Variants in GPHN observed in about 807,000 individuals in gnomAD.
GPHN encodes the protein gephyrin.
GPHN carries 17 observed loss-of-function variants against 95.5 expected under a neutral mutation model. The observed-to-expected ratio is 0.18, with a 90% CI of 0.12 to 0.27. The LOEUF is 0.27. Ranked by LOEUF, GPHN falls within the 10% of genes least tolerant of loss-of-function variation. The pLI is 1.00. For missense variants in GPHN, 660 were observed against 978.1 expected, an observed-to-expected ratio of 0.67 and a Z score of 4.34; for synonymous variants, 320 against 322.5, an observed-to-expected ratio of 0.99 and a Z score of 0.08.
intron 10 of GPHN, among the ~76,000 whole-genome samples, chr14:67,048,566 T>C (rs7161698): frequency 0.26 from 39,310 of 152,172 alleles, 10,363 homozygotes; most frequent in African/African-American, 0.65. Context: ...TCTGTCACTC[T>C]TAGCTCCTTA....
the GPHN span, chr14:67,488,665 G>A: frequency 1.3e-5 from 2 of 152,590 alleles, no homozygotes; most frequent in African/African-American, 4.8e-5. Flanking sequence ...AATCCCACCT[G>A]TGGAGACTTC....
At chr14:66,812,018 A>T (rs772533834) in intron 3 of GPHN, among the ~76,000 whole-genome samples, 2 of 152,194 alleles carry the variant, frequency 1.3e-5, no homozygotes, top group Non-Finnish European at 2.9e-5. Flanking sequence ...GTAGGCCCCA[A>T]TCTGGCCTAA....
At chr14:67,670,850 C>T in the GPHN span, among the ~76,000 whole-genome samples, 61 of 152,008 alleles carry the variant, frequency 4.0e-4, no homozygotes, top group African/African-American at 1.4e-3. Context: ...AAGGTAAGAA[C>T]TCTGGAAGTC....
chr14:66,879,563 A>T (rs1164573736), intron 4 of GPHN, among the ~76,000 whole-genome samples: 1 of 152,036 alleles, frequency 6.6e-6, no homozygotes, highest in African/African-American at 2.4e-5. Context: ...TAATTATTTC[A>T]AGAGTAATAG....
the GPHN span, among the ~76,000 whole-genome samples, chr14:67,501,178 C>T: frequency 1.3e-5 from 2 of 151,960 alleles, no homozygotes; most frequent in African/African-American, 4.8e-5. Context: ...TGCAAACCTC[C>T]AGCAGGTACT....
chr14:67,039,213 C>T (rs761534487), intron 10 of GPHN, among the ~76,000 whole-genome samples: 6 of 152,146 alleles, frequency 3.9e-5, no homozygotes, highest in African/African-American at 1.2e-4. Flanking sequence ...TGGGCAATTT[C>T]GCATTCTCTA....
chr14:67,219,292 G>C, the GPHN span, among the ~76,000 whole-genome samples: 2 of 152,158 alleles, frequency 1.3e-5, no homozygotes, highest in Non-Finnish European at 2.9e-5. Context: ...CCCTGCAATG[G>C]GAGGTCTCTC....
chr14:66,720,638 C>T (rs183293373), intron 2 of GPHN, among the ~76,000 whole-genome samples: 1 of 152,248 alleles, frequency 6.6e-6, no homozygotes, highest in Admixed American at 6.5e-5. Context: ...ATCATACTCA[C>T]TAATGGTTTC....
At chr14:67,433,961 C>A in the GPHN span, among the ~76,000 whole-genome samples, 1 of 152,260 alleles carries the variant, frequency 6.6e-6, no homozygotes, top group South Asian at 2.1e-4. Context: ...ATGGACGGAT[C>A]TAAATGTGTT....
chr14:67,499,380 T>G, the GPHN span, among the ~76,000 whole-genome samples: 1 of 152,186 alleles, frequency 6.6e-6, no homozygotes, highest in African/African-American at 2.4e-5. Flanking sequence ...CTATTCAGTT[T>G]GGCACCTTTG....
the GPHN span, among the ~76,000 whole-genome samples, chr14:67,507,478 T>C: frequency 6.6e-6 from 1 of 152,074 alleles, no homozygotes; most frequent in South Asian, 2.1e-4. Flanking sequence ...CCCCAGGGTC[T>C]CGGTCTTTTG....
At chr14:66,736,361 A>T (rs1229279481) in intron 2 of GPHN, among the ~76,000 whole-genome samples, 1 of 148,402 alleles carries the variant, frequency 6.7e-6, no homozygotes, top group African/African-American at 2.5e-5. Context: ...TTAGATTTTC[A>T]TTGAATTTTT....
intron 4 of GPHN, among the ~76,000 whole-genome samples, chr14:66,859,718 T>C (rs1262633808): frequency 6.6e-6 from 1 of 152,152 alleles, no homozygotes; most frequent in Non-Finnish European, 1.5e-5. Flanking sequence ...AAACTCAAAT[T>C]CAAGATAACA....
chr14:67,017,614 T>C (rs985765801), intron 9 of GPHN, among the ~76,000 whole-genome samples: 4 of 152,132 alleles, frequency 2.6e-5, no homozygotes, highest in African/African-American at 9.6e-5. Context: ...GACCAGACCA[T>C]GTAAGATATA....
chr14:66,702,346 G>A (rs886533596), intron 2 of GPHN, among the ~76,000 whole-genome samples: 2 of 152,130 alleles, frequency 1.3e-5, no homozygotes, highest in Non-Finnish European at 2.9e-5. Context: ...AACTGGGTGA[G>A]ACCCTCCAAA....
chr14:66,865,575 C>T (rs192082661), intron 4 of GPHN, among the ~76,000 whole-genome samples: 1 of 152,182 alleles, frequency 6.6e-6, no homozygotes, highest in Non-Finnish European at 1.5e-5. Context: ...TCTGTGCTTT[C>T]TTAGAAGCAA....
chr14:66,900,146 A>G (rs1250531848), intron 5 of GPHN, among the ~76,000 whole-genome samples: 1 of 151,674 alleles, frequency 6.6e-6, no homozygotes, highest in African/African-American at 2.4e-5. Context: ...TCTTTTTTTC[A>G]GTCTTGCTTA....
chr14:67,540,363 C>T, the GPHN span, among the ~76,000 whole-genome samples: 1 of 152,126 alleles, frequency 6.6e-6, no homozygotes, highest in Non-Finnish European at 1.5e-5. Flanking sequence ...CAGTGGCTCA[C>T]ACCTGTAATC....
At chr14:67,728,743 C>G in the GPHN span, among the ~76,000 whole-genome samples, 1 of 150,506 alleles carries the variant, frequency 6.6e-6, no homozygotes, top group East Asian at 2.0e-4. Context: ...GCATCACCAT[C>G]CCTCAATCTA....
Sources: gnomAD v4.1 joint callset for allele counts (sites outside exome capture counted in the v4.1 genomes callset) on GRCh38, gnomAD v4.1.1 for gene constraint, MANE v1.5 for transcripts, NCBI Gene and HGNC (gene_info 2026-07-23, HGNC 2026-07-21) for gene names.